TRIM15: variants seen among roughly 807,000 people sequenced by gnomAD.
TRIM15 encodes E3 ubiquitin-protein ligase TRIM15.
Under a neutral mutation model 35.8 loss-of-function variants are expected in TRIM15, and 35 were observed. The observed-to-expected ratio is 0.98, with a 90% CI of 0.75 to 1.30. TRIM15 has a LOEUF of 1.30. TRIM15 is among the 50% of genes most tolerant of loss of function. The probability of loss-of-function intolerance (pLI) is 0.00; values close to 1 mark genes in which losing one functional copy is unlikely to be tolerated. For synonymous variants in TRIM15, 252 were observed against 249.8 expected (o/e 1.01, Z -0.08); for missense variants, 590 against 593.5 (o/e 0.99, Z 0.06).
In TRIM15 at chr6:30,167,216, G is replaced by T; in HGVS notation, c.422G>T (p.Arg141Ile). Residue 141 changes from arginine (R) to isoleucine (I), a missense_variant, in exon 2 of 7, where the codon AGA (arginine) becomes ATA (isoleucine). Coordinates refer to ENST00000376694, the MANE Select transcript of TRIM15 (RefSeq NM_033229.3). ...CGACTGGAAGCTCTGAGCACGGAGA[G>T]AGATGAGATTGAGGATGTAAAGTGT... ...RSRLEALSTE[R>I]DEIEDVKCQE... 1.2e-6 allele frequency: 2 copies of T among 1,613,116 alleles called. No homozygotes were observed. Among genetic ancestry groups the T allele is most frequent in the Non-Finnish European group, 1.7e-6 (2 of 1,180,034 alleles).
Position 30,163,584 on chromosome 6 carries a change from C to T in TRIM15, c.-101C>T, listed in dbSNP as rs1773315203. 4.8e-6 allele frequency: 6 copies of T among 1,242,314 alleles called. No individual in the cohort carries two copies. In the African/African-American group the frequency reaches 9.3e-5, roughly 19 times the overall value. 77.0% of individuals were successfully genotyped at this position (1,242,314 alleles called of 1,614,324 possible). ...TCTCTCTGTCTCTTAGCCTTGCAGC[C>T]GTTTCCCTCTGCGATTCATGTAAGT... On this transcript the variant is annotated 5_prime_UTR_variant, in exon 1 of 7. Transcript: ENST00000376694.
At position 30,163,930 on chromosome 6, in the gene TRIM15, C is replaced by T. The variant is rs552583632; in HGVS notation, c.246C>T (p.Tyr82=). The part of the protein sequence containing the change: ...PVPLGPLGET[Y]CEEHGEKIYF... ...CCCTGGGCCCGCTGGGAGAAACTTACTGCGAGGAGCACGGCGAGAAGATCT... is the reference window on the plus strand; with the variant it reads ...CCCTGGGCCCGCTGGGAGAAACTTATTGCGAGGAGCACGGCGAGAAGATCT... The change falls in exon 1 of 7, where the codon TAC becomes TAT. Residue 82 remains tyrosine, a synonymous_variant. Coordinates refer to ENST00000376694, the MANE Select transcript of TRIM15 (RefSeq NM_033229.3). 1.9e-6 allele frequency: 3 copies of T among 1,613,146 alleles called. No individual in the cohort carries two copies. Among genetic ancestry groups the T allele is most frequent in the Non-Finnish European group, 2.5e-6 (3 of 1,180,042 alleles).
chr6:30,165,437 C>CT (rs1188132072), intron 1 of TRIM15, among the ~76,000 whole-genome samples: 1 of 152,196 alleles, frequency 6.6e-6, no homozygotes. Flanking sequence ...ATGAACACAT[C>CT]TTTTTTATGC....
intron 4 of TRIM15, 63 bp from the exon 5 acceptor site, chr6:30,170,438 T>G (rs1193692070): frequency 3.0e-6 from 3 of 1,005,304 alleles, no homozygotes; most frequent in Non-Finnish European, 4.7e-6. Context: ...TAGCCTCACG[T>G]GGTCTCACCC....
At position 30,163,915 on chromosome 6, in the gene TRIM15, G is replaced by C; in HGVS notation, c.231G>C (p.Pro77=). Reference sequence around the variant, plus strand: ...CCATGGCCCCTGTGCCCCTGGGCCCGCTGGGAGAAACTTACTGCGAGGAGC... The same window carrying C: ...CCATGGCCCCTGTGCCCCTGGGCCCCCTGGGAGAAACTTACTGCGAGGAGC... The part of the protein sequence containing the change: ...ETPMAPVPLG[P]LGETYCEEHG... The change falls in exon 1 of 7, where the codon CCG becomes CCC. Residue 77 remains proline, a synonymous_variant. Coordinates refer to ENST00000376694, the MANE Select transcript of TRIM15 (RefSeq NM_033229.3). 3.1e-6 allele frequency: 5 copies of C among 1,613,110 alleles called. No individual in the cohort carries two copies. The highest frequency in any genetic ancestry group is 4.2e-6 in the Non-Finnish European group (5 of 1,180,032).
At position 30,170,633 on chromosome 6, in the gene TRIM15, C is replaced by T. The variant is rs199912143; in HGVS notation, c.847+17C>T. 2.8e-3 allele frequency: 4,492 copies of T among 1,585,844 alleles called. 26 individuals carry two copies. Among genetic ancestry groups the T allele is most frequent in the South Asian group, 8.4e-3 (758 of 90,036 alleles). On this transcript the variant is annotated intron_variant, in intron 5 of 6. Transcript: ENST00000376694. ...TGTTCTCAGGTAAAGGGGAAGGCGC[C>T]ACAGTTTTCCCCAGTCCCATTAGCT...
chr6:30,170,820 T>A (rs531329722), intron 5 of TRIM15, among the ~76,000 whole-genome samples, 156 bp from the exon 6 acceptor site: 16 of 152,070 alleles, frequency 1.1e-4, no homozygotes, highest in Non-Finnish European at 1.8e-4. Context: ...GGACTGAGAG[T>A]CCAGGAGGGT....
Position 30,164,032 on chromosome 6 carries a change from G to A in TRIM15, c.348G>A (p.Val116=), listed in dbSNP as rs753452368. ...REGPTHQAHT[V]GFLDEAIQPY... is the part of the protein sequence containing the mutation. ...GTCCCACGCACCAGGCGCACACCGT[G>A]GGGTTCCTGGACGAGGCCATTCAGC... The change falls in exon 1 of 7, where the codon GTG becomes GTA. Residue 116 remains valine, a synonymous_variant. Transcript: ENST00000376694. 2 of 1,612,930 alleles carry A rather than the reference G, an allele frequency of 1.2e-6. No individual in the cohort carries two copies. The highest frequency in any genetic ancestry group is 1.7e-6 in the Non-Finnish European group (2 of 1,179,902).
Position 30,172,415 on chromosome 6 carries a change from C to T in TRIM15, c.*66C>T. The T allele has an allele frequency of 6.5e-7, 1 of 1,535,086 alleles. No individual in the cohort carries two copies. Among genetic ancestry groups the T allele is most frequent in the African/African-American group, 1.4e-5 (1 of 72,906 alleles). On this transcript the variant is annotated 3_prime_UTR_variant, in exon 7 of 7. Transcript: ENST00000376694. ...CTCCGGGATCCAGCTCCGCCCCTGG[C>T]CAGTGTGCGGCCCGGGGGCTCCCTG...
Position 30,172,141 on chromosome 6 carries a change from G to T in TRIM15, c.1190G>T (p.Trp397Leu). 1 of 1,587,522 alleles carries T rather than the reference G, an allele frequency of 6.3e-7. No homozygotes were observed. The highest frequency in any genetic ancestry group is 8.6e-7 in the Non-Finnish European group (1 of 1,167,402). ...GTGATCATCTCGCACCAGCAGTGCT[G>T]GGCCAGCACCTCCCCGGGCACCGAC... ...WAVIISHQQC[W>L]ASTSPGTDLP... Residue 397 changes from tryptophan (W) to leucine (L), a missense_variant, in exon 7 of 7, where the codon TGG (tryptophan) becomes TTG (leucine). Physicochemically the swap from Trp to Leu is moderately conservative, Grantham distance 61. Coordinates refer to ENST00000376694, the MANE Select transcript of TRIM15 (RefSeq NM_033229.3).
chr6:30,171,608 A>G (rs1774020183), intron 6 of TRIM15, among the ~76,000 whole-genome samples: 1 of 152,210 alleles, frequency 6.6e-6, no homozygotes, highest in Non-Finnish European at 1.5e-5. Flanking sequence ...CATTTCTAAC[A>G]AACACCCAGG....
rs903328467 is a variant in TRIM15 at position 30,170,628 on chromosome 6, G to A, written c.847+12G>A. 3 of 1,596,806 alleles carry A rather than the reference G, an allele frequency of 1.9e-6. No individual in the cohort carries two copies. Among genetic ancestry groups the A allele is most frequent in the Non-Finnish European group, 2.6e-6 (3 of 1,165,750 alleles). On this transcript the variant is annotated intron_variant, in intron 5 of 6. Coordinates refer to ENST00000376694, the MANE Select transcript of TRIM15 (RefSeq NM_033229.3). ...GAGGATGTTCTCAGGTAAAGGGGAA[G>A]GCGCCACAGTTTTCCCCAGTCCCAT... is the stretch of plus-strand genomic sequence containing the variant.
In TRIM15 at chr6:30,171,823, T is replaced by C. The variant is rs776233172; in HGVS notation, c.881-9T>C. ...CCCGCTGTTGATGTCTGCGCGCTCCTCCCTCTAGGGGTCATCACTCTGGAC... is the reference window on the plus strand; with the variant it reads ...CCCGCTGTTGATGTCTGCGCGCTCCCCCCTCTAGGGGTCATCACTCTGGAC... On this transcript the variant is annotated splice_polypyrimidine_tract_variant and intron_variant, in intron 6 of 6. Coordinates refer to ENST00000376694, the MANE Select transcript of TRIM15 (RefSeq NM_033229.3). 21 of 1,506,366 alleles carry C rather than the reference T, an allele frequency of 1.4e-5. No individual in the cohort carries two copies. The highest frequency in any genetic ancestry group is 1.8e-6 in the Non-Finnish European group (2 of 1,128,382). The allele number at this position is 1,506,366 out of a possible 1,614,324, so 93.3% of individuals were successfully genotyped here.
chr6:30,169,196 A>G (rs895848826), intron 3 of TRIM15, 45 bp from the exon 4 acceptor site: 2 of 1,612,392 alleles, frequency 1.2e-6, no homozygotes, highest in African/African-American at 1.3e-5. Flanking sequence ...CCTGACAGGA[A>G]GGACTTATGG....
At chr6:30,165,823 T>C (rs1311200538) in intron 1 of TRIM15, among the ~76,000 whole-genome samples, 1 of 152,240 alleles carries the variant, frequency 6.6e-6, no homozygotes, top group Non-Finnish European at 1.5e-5. Context: ...TATCTCATTG[T>C]GGTTTTGATT....
At position 30,172,105 on chromosome 6, in the gene TRIM15, G is replaced by T; in HGVS notation, c.1154G>T (p.Gly385Val). The change falls in exon 7 of 7, where the codon GGC becomes GTC. Residue 385 changes from glycine to valine, a missense_variant. Transcript: ENST00000376694. Reference protein sequence around the residue: ...KGEMGLSAEDGVWAVIISHQQ... With the variant: ...KGEMGLSAEDVVWAVIISHQQ... Reference sequence around the variant, plus strand: ...GAGATGGGACTCAGCGCCGAGGACGGCGTCTGGGCCGTGATCATCTCGCAC... The same window carrying T: ...GAGATGGGACTCAGCGCCGAGGACGTCGTCTGGGCCGTGATCATCTCGCAC... 6.3e-7 allele frequency: 1 copy of T among 1,578,210 alleles called. No individual in the cohort carries two copies. The highest frequency in any genetic ancestry group is 8.6e-7 in the Non-Finnish European group (1 of 1,162,440).
At position 30,172,339 on chromosome 6, in the gene TRIM15, T is replaced by C; in HGVS notation, c.1388T>C (p.Leu463Pro). The change falls in exon 7 of 7, where the codon CTG (leucine) becomes CCG (proline). Residue 463 changes from leucine to proline, a missense_variant. By Grantham distance (98) the Leu-to-Pro change is moderately conservative (BLOSUM62 -3). Coordinates refer to ENST00000376694, the MANE Select transcript of TRIM15 (RefSeq NM_033229.3). ...AVWKKGSCLT[L>P]KG Reference sequence around the variant, plus strand: ...TGGAAAAAAGGTTCCTGCCTTACGCTGAAAGGCTGAAGTGGGGCGCGCGAA... The same window carrying C: ...TGGAAAAAAGGTTCCTGCCTTACGCCGAAAGGCTGAAGTGGGGCGCGCGAA... 6.2e-7 allele frequency: 1 copy of C among 1,603,812 alleles called. No individual in the cohort carries two copies.
intron 2 of TRIM15, 70 bp from the exon 3 acceptor site, chr6:30,168,230 A>G: frequency 2.3e-6 from 3 of 1,317,976 alleles, no homozygotes; most frequent in Non-Finnish European, 3.2e-6. Context: ...AATAATAAGT[A>G]TATAGATGAT....
At chr6:30,171,795 C>A in intron 6 of TRIM15, 37 bp from the exon 7 acceptor site, 1 of 1,474,040 alleles carries the variant, frequency 6.8e-7, no homozygotes, top group Non-Finnish European at 9.0e-7. Flanking sequence ...TCTGTGGTTG[C>A]CGCCCGCTGT....
Sources: gnomAD v4.1 joint callset for allele counts (sites outside exome capture counted in the v4.1 genomes callset) on GRCh38, gnomAD v4.1.1 for gene constraint, MANE v1.5 for transcripts, NCBI Gene and HGNC (gene_info 2026-07-23, HGNC 2026-07-21) for gene names.